JAKMIP2: variants seen among roughly 807,000 people sequenced by gnomAD.
The protein encoded by JAKMIP2 is janus kinase and microtubule interacting protein 2, also known as janus kinase and microtubule-interacting protein 2.
JAKMIP2 carries 25 observed loss-of-function variants against 115.0 expected under a neutral mutation model. The observed-to-expected ratio is 0.22, with a 90% CI of 0.16 to 0.30. The LOEUF is 0.30. JAKMIP2 is among the 10% of genes least tolerant of loss of function. JAKMIP2 has a pLI of 1.00. For synonymous variants in JAKMIP2, 334 were observed against 343.6 expected (o/e 0.97, Z 0.31); for missense variants, 642 against 957.6 (o/e 0.67, Z 4.35).
intron 6 of JAKMIP2, 72 bp from the exon 7 acceptor site, chr5:147,644,270 T>C: frequency 7.1e-7 from 1 of 1,399,752 alleles, no homozygotes; most frequent in Non-Finnish European, 9.6e-7. Flanking sequence ...ACATAAAATA[T>C]CTGTAGAAAG....
chr5:147,770,778 A>G (rs1310078020), intron 1 of JAKMIP2, among the ~76,000 whole-genome samples: 1 of 152,016 alleles, frequency 6.6e-6, no homozygotes, highest in East Asian at 1.9e-4. Context: ...TATTGCTTGA[A>G]AAAAGTAGGA....
intron 12 of JAKMIP2, among the ~76,000 whole-genome samples, chr5:147,635,236 A>G (rs1315939105): frequency 6.6e-6 from 1 of 152,210 alleles, no homozygotes; most frequent in Non-Finnish European, 1.5e-5. Flanking sequence ...ATATCAAAGG[A>G]AAAGCCACCT....
intron 1 of JAKMIP2, among the ~76,000 whole-genome samples, chr5:147,727,928 G>A: frequency 6.6e-6 from 1 of 152,004 alleles, no homozygotes. Context: ...AATACAACCT[G>A]GGACTCCTTG....
chr5:147,615,035 C>T (rs903275199), intron 19 of JAKMIP2, among the ~76,000 whole-genome samples: 21 of 152,192 alleles, frequency 1.4e-4, no homozygotes, highest in African/African-American at 4.6e-4. Context: ...CTGCATAGCA[C>T]TTATTGCCAC....
chr5:147,732,936 T>C (rs879466798), intron 1 of JAKMIP2, among the ~76,000 whole-genome samples: 1 of 152,240 alleles, frequency 6.6e-6, no homozygotes, highest in Admixed American at 6.5e-5. Context: ...TTCTTCTGTC[T>C]TCCTGGCACC....
At chr5:147,598,587 A>G (rs1482125661) in intron 21 of JAKMIP2, among the ~76,000 whole-genome samples, 1 of 152,168 alleles carries the variant, frequency 6.6e-6, no homozygotes, top group Non-Finnish European at 1.5e-5. Context: ...ATCTTCTGGA[A>G]CTACTTGGAG....
At chr5:147,628,872 G>T in intron 15 of JAKMIP2, 56 bp from the exon 16 acceptor site, 2 of 1,293,356 alleles carry the variant, frequency 1.5e-6, no homozygotes, top group Admixed American at 1.7e-5. Context: ...TTACCCCAAA[G>T]AAAATACTGT....
intron 1 of JAKMIP2, among the ~76,000 whole-genome samples, chr5:147,697,131 G>C (rs546398336): frequency 1.3e-5 from 2 of 152,284 alleles, no homozygotes; most frequent in East Asian, 1.9e-4. Context: ...AAACATACCT[G>C]AGACTGGGAA....
intron 1 of JAKMIP2, among the ~76,000 whole-genome samples, chr5:147,682,932 T>C (rs749395271): frequency 6.6e-5 from 10 of 152,232 alleles, no homozygotes; most frequent in Non-Finnish European, 1.3e-4. Context: ...CTCTTTTGTC[T>C]GGATTTAGAA....
intron 21 of JAKMIP2, among the ~76,000 whole-genome samples, chr5:147,598,581 T>A (rs888826276): frequency 2.6e-5 from 4 of 152,168 alleles, no homozygotes; most frequent in African/African-American, 9.7e-5. Flanking sequence ...GATAATATCT[T>A]CTGGAACTAC....
rs1758236325 is a variant in JAKMIP2, at chr5:147,648,399, G to C, written c.913C>G (p.Leu305Val). ...ACCAGTTCATTTCGTTCATCTCCAA[G>C]CAAGGTATTCCTGTCTTCTAATTTT... Reference protein sequence around the residue: ...IRKLEDRNTLLGDERNELLKR... With the variant: ...IRKLEDRNTLVGDERNELLKR... The change falls in exon 5 of 22, where the codon CTT becomes GTT. Residue 305 changes from leucine (L) to valine (V), a missense_variant. Coordinates refer to ENST00000616793, the MANE Select transcript of JAKMIP2 (RefSeq NM_001270941.2). 1 of 1,605,854 alleles carries C rather than the reference G, an allele frequency of 6.2e-7. No homozygotes were observed. Among genetic ancestry groups the C allele is most frequent in the Non-Finnish European group, 8.5e-7 (1 of 1,173,124 alleles).
chr5:147,683,849 C>T (rs1420906074), intron 1 of JAKMIP2, among the ~76,000 whole-genome samples: 1 of 152,104 alleles, frequency 6.6e-6, no homozygotes, highest in Non-Finnish European at 1.5e-5. Context: ...AGTAAAAGTA[C>T]ATGAAGGTTG....
intron 1 of JAKMIP2, among the ~76,000 whole-genome samples, chr5:147,713,965 T>C (rs1398145375): frequency 6.6e-6 from 1 of 152,128 alleles, no homozygotes; most frequent in Non-Finnish European, 1.5e-5. Flanking sequence ...TCTATTTAGA[T>C]TAAAGTAATT....
intron 14 of JAKMIP2, among the ~76,000 whole-genome samples, chr5:147,630,967 A>C (rs1228746655): frequency 6.6e-6 from 1 of 152,184 alleles, no homozygotes; most frequent in Non-Finnish European, 1.5e-5. Context: ...ACATCAAAAG[A>C]GATGTTGGAC....
At chr5:147,762,273 G>C (rs1303910281) in intron 1 of JAKMIP2, among the ~76,000 whole-genome samples, 2 of 151,996 alleles carry the variant, frequency 1.3e-5, no homozygotes, top group Non-Finnish European at 2.9e-5. Flanking sequence ...TAAACATGAT[G>C]CAAACCCTTA....
intron 1 of JAKMIP2, among the ~76,000 whole-genome samples, chr5:147,698,014 C>T (rs1238353480): frequency 6.6e-6 from 1 of 152,192 alleles, no homozygotes. Context: ...GCCGCAGACA[C>T]TCAACAGCAG....
chr5:147,651,192 T>C (rs902434532), intron 3 of JAKMIP2, among the ~76,000 whole-genome samples: 2 of 152,184 alleles, frequency 1.3e-5, no homozygotes, highest in Admixed American at 1.3e-4. Flanking sequence ...AAAATCATGG[T>C]TGGGATTAAC....
At chr5:147,757,990 A>T (rs1283327721) in intron 1 of JAKMIP2, among the ~76,000 whole-genome samples, 1 of 152,120 alleles carries the variant, frequency 6.6e-6, no homozygotes, top group Admixed American at 6.6e-5. Flanking sequence ...ACATTTTTTA[A>T]ACTCATGCAT....
intron 1 of JAKMIP2, among the ~76,000 whole-genome samples, chr5:147,721,722 C>T (rs1053591480): frequency 6.6e-5 from 10 of 152,206 alleles, no homozygotes; most frequent in East Asian, 1.9e-4. Flanking sequence ...GCACGGTGCG[C>T]GCACCCACTG....
Sources: allele counts gnomAD v4.1 joint callset (sites outside exome capture counted in the v4.1 genomes callset), GRCh38; gene constraint gnomAD v4.1.1; transcripts MANE v1.5; gene names NCBI Gene and HGNC (gene_info 2026-07-23, HGNC 2026-07-21).